Variants in DRC11 observed in about 807,000 individuals in gnomAD.
The protein encoded by DRC11 is dynein regulatory complex subunit 11.
the DRC11 span, among the ~76,000 whole-genome samples, chr2:236,359,090 G>T: frequency 2.0e-5 from 3 of 152,054 alleles, no homozygotes; most frequent in Admixed American, 6.6e-5. This position sits in a 1 kb window ranked among gnomAD's most constrained non-coding sequence, Gnocchi z 4.3. Flanking sequence ...AGGGCAGGGC[G>T]CAGGGAAGGA....
At chr2:236,458,899 G>C in the DRC11 span, among the ~76,000 whole-genome samples, 1 of 152,194 alleles carries the variant, frequency 6.6e-6, no homozygotes, top group Admixed American at 6.5e-5. Context: ...ACAAAAATTA[G>C]CTGGGCATGG....
the DRC11 span, among the ~76,000 whole-genome samples, chr2:236,395,705 C>T: frequency 1.3e-5 from 2 of 152,174 alleles, no homozygotes; most frequent in Non-Finnish European, 2.9e-5. Flanking sequence ...CATTCTCCTT[C>T]GAAAATTCTA....
the DRC11 span, among the ~76,000 whole-genome samples, chr2:236,438,580 G>T: frequency 6.6e-6 from 1 of 152,120 alleles, no homozygotes; most frequent in Non-Finnish European, 1.5e-5. Context: ...CATGAGCATG[G>T]AATGTTCTTC....
At chr2:236,498,253 G>C in the DRC11 span, among the ~76,000 whole-genome samples, 1 of 151,504 alleles carries the variant, frequency 6.6e-6, no homozygotes, top group East Asian at 1.9e-4. Context: ...GGATCACGAG[G>C]TCAGGAGATC....
chr2:236,316,145 T>TTCTC, the DRC11 span, among the ~76,000 whole-genome samples: 5,095 of 146,130 alleles, frequency 0.035, 162 homozygotes, highest in African/African-American at 0.086. This position sits in a 1 kb window ranked among gnomAD's most constrained non-coding sequence, Gnocchi z 6.8. Context: ...ACTTATTTTC[T>TTCTC]TCTCTCTCTC....
the DRC11 span, among the ~76,000 whole-genome samples, chr2:236,433,846 A>C: frequency 6.6e-6 from 1 of 152,200 alleles, no homozygotes; most frequent in Non-Finnish European, 1.5e-5. Context: ...TCACTAGTGG[A>C]AATGTTTCTA....
the DRC11 span, among the ~76,000 whole-genome samples, chr2:236,321,177 A>G: frequency 6.6e-6 from 1 of 151,924 alleles, no homozygotes; most frequent in African/African-American, 2.4e-5. Flanking sequence ...TTTTTTTGGT[A>G]TATACCCACG....
At chr2:236,372,704 G>A in the DRC11 span, among the ~76,000 whole-genome samples, 2 of 152,122 alleles carry the variant, frequency 1.3e-5, no homozygotes, top group African/African-American at 2.4e-5. The surrounding 1 kb of genome is among the most constrained non-coding windows in gnomAD (Gnocchi z 4.5). Flanking sequence ...TGAATTCCTA[G>A]GCTCAAGCGC....
the DRC11 span, among the ~76,000 whole-genome samples, chr2:236,441,380 CTT>C: frequency 1.4e-5 from 2 of 144,854 alleles, no homozygotes; most frequent in African/African-American, 5.1e-5. Flanking sequence ...TTTTTTCCTC[CTT>C]TTTTTTTTTA....
At chr2:236,436,283 A>C in the DRC11 span, among the ~76,000 whole-genome samples, 26,466 of 152,016 alleles carry the variant, frequency 0.17, 2,509 homozygotes, top group Non-Finnish European at 0.22. Flanking sequence ...TACATGTTGC[A>C]AATGTTTTTC....
the DRC11 span, among the ~76,000 whole-genome samples, chr2:236,390,763 C>T: frequency 6.6e-6 from 1 of 150,626 alleles, no homozygotes; most frequent in South Asian, 2.1e-4. The surrounding 1 kb of genome is among the most constrained non-coding windows in gnomAD (Gnocchi z 5.9). Flanking sequence ...TGTGGGAGGC[C>T]CATGGTTCTG....
chr2:236,438,732 C>T, the DRC11 span, among the ~76,000 whole-genome samples: 1 of 152,072 alleles, frequency 6.6e-6, no homozygotes, highest in Non-Finnish European at 1.5e-5. Context: ...TAGACATCTA[C>T]AGAACTCTCC....
chr2:236,501,776 G>T, the DRC11 span, among the ~76,000 whole-genome samples: 1 of 152,110 alleles, frequency 6.6e-6, no homozygotes, highest in African/African-American at 2.4e-5. Context: ...ATAGGATTTG[G>T]GGCCCAAACC....
chr2:236,362,439 T>G, the DRC11 span, among the ~76,000 whole-genome samples: 4 of 152,210 alleles, frequency 2.6e-5, no homozygotes, highest in Non-Finnish European at 5.9e-5. This position sits in a 1 kb window ranked among gnomAD's most constrained non-coding sequence, Gnocchi z 5.7. Flanking sequence ...CCACTTCCAC[T>G]TAATGAATAG....
At chr2:236,370,878 G>A in the DRC11 span, among the ~76,000 whole-genome samples, 1 of 151,990 alleles carries the variant, frequency 6.6e-6, no homozygotes, top group African/African-American at 2.4e-5. The surrounding 1 kb of genome is among the most constrained non-coding windows in gnomAD (Gnocchi z 5.5). Context: ...TGCAGTGCAG[G>A]CTTTGCATCC....
At chr2:236,312,731 A>G in the DRC11 span, among the ~76,000 whole-genome samples, 1 of 152,066 alleles carries the variant, frequency 6.6e-6, no homozygotes, top group Non-Finnish European at 1.5e-5. Context: ...AAATTACAAT[A>G]AAGACAGCCA....
chr2:236,473,492 G>A, the DRC11 span, among the ~76,000 whole-genome samples: 3 of 152,222 alleles, frequency 2.0e-5, no homozygotes, highest in African/African-American at 7.2e-5. This position sits in a 1 kb window ranked among gnomAD's most constrained non-coding sequence, Gnocchi z 4.8. Flanking sequence ...CAGTAGATGC[G>A]TTTAAAAGTG....
At chr2:236,479,011 G>A in the DRC11 span, among the ~76,000 whole-genome samples, 1 of 152,000 alleles carries the variant, frequency 6.6e-6, no homozygotes, top group Non-Finnish European at 1.5e-5. This position sits in a 1 kb window ranked among gnomAD's most constrained non-coding sequence, Gnocchi z 4.1. Flanking sequence ...TTTTAGTAGA[G>A]GCGGGGTTTC....
the DRC11 span, among the ~76,000 whole-genome samples, chr2:236,314,071 G>A: frequency 3.3e-5 from 5 of 152,116 alleles, no homozygotes; most frequent in Admixed American, 1.3e-4. This position sits in a 1 kb window ranked among gnomAD's most constrained non-coding sequence, Gnocchi z 4.5. Context: ...TGAGTACAAG[G>A]AAAATGGTGG....
Sources: allele counts gnomAD v4.1 joint callset (sites outside exome capture counted in the v4.1 genomes callset), GRCh38; gene constraint gnomAD v4.1.1; non-coding constraint Gnocchi (gnomAD v3.1); transcripts MANE v1.5; gene names NCBI Gene and HGNC (gene_info 2026-07-23, HGNC 2026-07-21).